KDM1A: variants seen among roughly 807,000 people sequenced by gnomAD.
The protein encoded by KDM1A is lysine-specific histone demethylase 1A.
Under a neutral mutation model 109.4 loss-of-function variants are expected in KDM1A, and 49 were observed. The ratio of observed to expected loss-of-function variants is 0.45; its 90% CI spans 0.36 to 0.57. The LOEUF is 0.57. Among genes scored for constraint, KDM1A ranks in the 20% least tolerant of loss-of-function variants. The pLI, the probability that KDM1A is intolerant of heterozygous loss-of-function variation, is 0.00. For synonymous variants in KDM1A, 380 were observed against 415.4 expected, an observed-to-expected ratio of 0.91 and a Z score of 1.04; for missense variants, 668 against 1,116.6, an observed-to-expected ratio of 0.60 and a Z score of 5.73.
chr1:23,040,153 A>T (rs183610406), intron 2 of KDM1A, among the ~76,000 whole-genome samples: 1,639 of 152,356 alleles, frequency 0.011, 9 homozygotes, highest in Non-Finnish European at 0.019. Flanking sequence ...GAAGTTTCTT[A>T]AAATGTTTGT....
At chr1:23,030,722 CT>C in intron 2 of KDM1A, 88 bp downstream of exon 2, 2 of 1,348,944 alleles carry the variant, frequency 1.5e-6, no homozygotes, top group Non-Finnish European at 2.0e-6. Context: ...TTATTTATGT[CT>C]TTATCTTTGG....
intron 9 of KDM1A, among the ~76,000 whole-genome samples, chr1:23,061,008 A>G (rs1642983941): frequency 6.6e-6 from 1 of 152,228 alleles, no homozygotes; most frequent in Non-Finnish European, 1.5e-5. Flanking sequence ...TTCTGAATGT[A>G]GAGCAGGTTG....
intron 10 of KDM1A, among the ~76,000 whole-genome samples, chr1:23,067,198 T>TA (rs1312589179): frequency 1.3e-5 from 2 of 152,260 alleles, no homozygotes. Context: ...ATTATAAAGA[T>TA]ACCCTGATCC....
At chr1:23,069,223 C>A in intron 12 of KDM1A, 72 bp downstream of exon 12, 2 of 945,584 alleles carry the variant, frequency 2.1e-6, no homozygotes, top group Non-Finnish European at 3.2e-6. Flanking sequence ...ATTTTAAAAG[C>A]ATTTCCGAGA....
rs1641537125 is a variant in KDM1A, at chr1:23,019,517, G to C, written c.-80G>C. Reference sequence around the variant, plus strand: ...TGGCGGCGCGCGGGCAGCGTGAAGCGAGGCGAGGCAAGGCTTTTCGGACCC... The same window carrying C: ...TGGCGGCGCGCGGGCAGCGTGAAGCCAGGCGAGGCAAGGCTTTTCGGACCC... On this transcript the variant is annotated 5_prime_UTR_variant, in exon 1 of 21. Coordinates refer to ENST00000400181, the MANE Select transcript of KDM1A (RefSeq NM_001009999.3). 19 of 1,312,288 alleles carry C rather than the reference G, an allele frequency of 1.4e-5. No homozygotes were observed. The South Asian group carries it at 4.0e-4, about 28-fold the overall frequency. The allele number at this position is 1,312,288 out of a possible 1,614,324, so 81.3% of individuals were successfully genotyped here.
chr1:23,069,655 C>T lies in KDM1A; in HGVS notation c.1413+504C>T, dbSNP rs149363971. 2.7e-3 allele frequency among the ~76,000 whole-genome samples: 408 copies of T among 152,306 alleles called. 4 individuals are homozygous for T. Among genetic ancestry groups the T allele is most frequent in the African/African-American group, 9.1e-3 (378 of 41,570 alleles). On this transcript the variant is annotated intron_variant, in intron 12 of 20. Transcript: ENST00000400181. Reference sequence around the variant, plus strand: ...GCCCTCAGCTGAATTCTAGGACTAGCAGGAGAATTAGCTGTACTGGAGCCA... The same window carrying T: ...GCCCTCAGCTGAATTCTAGGACTAGTAGGAGAATTAGCTGTACTGGAGCCA...
In KDM1A at chr1:23,069,172, C is replaced by T. The variant is rs1388940284; in HGVS notation, c.1413+21C>T. On this transcript the variant is annotated intron_variant, in intron 12 of 20. Coordinates refer to ENST00000400181, the MANE Select transcript of KDM1A (RefSeq NM_001009999.3). ...ATAAGGTGAAATTCTGTATTTTCTT[C>T]ATAGCTGAAGAAGCTTTAATAGGAG... 4.8e-6 allele frequency: 7 copies of T among 1,459,420 alleles called. No homozygotes were observed. In the African/African-American group the frequency reaches 5.6e-5, roughly 12 times the overall value. 90.4% of individuals were successfully genotyped at this position (1,459,420 alleles called of 1,614,324 possible).
At chr1:23,083,124 C>A in intron 20 of KDM1A, 55 bp from the exon 21 acceptor site, 1 of 1,495,168 alleles carries the variant, frequency 6.7e-7, no homozygotes, top group Non-Finnish European at 9.1e-7. Flanking sequence ...AATTTAAGTA[C>A]AAGAATAAAG....
chr1:23,072,747 G>T (rs764342687), intron 14 of KDM1A, among the ~76,000 whole-genome samples: 3 of 152,188 alleles, frequency 2.0e-5, no homozygotes, highest in Admixed American at 6.5e-5. Context: ...CTGGGTTCAA[G>T]CAATTCTCTT....
chr1:23,020,038 G>C, intron 1 of KDM1A, 91 bp downstream of exon 1: 2 of 1,320,526 alleles, frequency 1.5e-6, no homozygotes, highest in Non-Finnish European at 2.0e-6. Flanking sequence ...CGGGTCTTGG[G>C]CCCTGCGACC....
At chr1:23,032,281 T>C (rs1642006804) in intron 2 of KDM1A, among the ~76,000 whole-genome samples, 1 of 152,156 alleles carries the variant, frequency 6.6e-6, no homozygotes, top group Non-Finnish European at 1.5e-5. Context: ...TGATTTACCA[T>C]AGGTTCCAAG....
At position 23,079,781 on chromosome 1, in the gene KDM1A, A is replaced by G. The variant is rs112909328; in HGVS notation, c.2170+114A>G. On this transcript the variant is annotated intron_variant, in intron 18 of 20. Transcript: ENST00000400181. This position sits in a 1 kb window ranked among gnomAD's most constrained non-coding sequence, Gnocchi z 5.6. The stretch of plus-strand genomic sequence containing the variant: ...AATTTCTCTCTTTATTAACTCAACA[A>G]ACAATTCCTGAAATACCTTCTAGGT... 8.2e-6 allele frequency: 5 copies of G among 607,398 alleles called. No homozygotes were observed. The highest frequency in any genetic ancestry group is 1.9e-5 in the African/African-American group (1 of 52,726). 37.6% of individuals were successfully genotyped at this position (607,398 alleles called of 1,614,324 possible). A position where few individuals can be genotyped will look rare whatever the true frequency, so the allele number is the denominator to read the frequency against.
chr1:23,019,558 G>C lies in KDM1A; in HGVS notation c.-39G>C. The C allele has an allele frequency of 2.2e-6, 3 of 1,380,628 alleles. No individual in the cohort carries two copies. The highest frequency in any genetic ancestry group is 2.8e-5 in the East Asian group (1 of 35,636). The allele number at this position is 1,380,628 out of a possible 1,614,324, so 85.5% of individuals were successfully genotyped here. ...TTTCGGACCCACGGAGCGACAGAGC[G>C]AGCGGCCCCTACGGCCGTCGGCGGC... On this transcript the variant is annotated 5_prime_UTR_variant, in exon 1 of 21. Coordinates refer to ENST00000400181, the MANE Select transcript of KDM1A (RefSeq NM_001009999.3).
Position 23,057,514 on chromosome 1 carries a change from C to T in KDM1A, c.1021C>T (p.Arg341Cys), listed in dbSNP as rs1642866520. The T allele has an allele frequency of 1.9e-6, 3 of 1,613,752 alleles. No homozygotes were observed. Among genetic ancestry groups the T allele is most frequent in the Non-Finnish European group, 8.5e-7 (1 of 1,179,824 alleles). Reference sequence around the variant, plus strand: ...TGTGGGTGGACGAGTTGCCACATTTCGCAAAGGAAACTATGTAGCTGATCT... The same window carrying T: ...TGTGGGTGGACGAGTTGCCACATTTTGCAAAGGAAACTATGTAGCTGATCT... ...DRVGGRVATF[R>C]KGNYVADLGA... Residue 341 changes from arginine to cysteine, a missense_variant, in exon 8 of 21, where the codon CGC becomes TGC. By Grantham distance (180) the Arg-to-Cys change is radical. Coordinates refer to ENST00000400181, the MANE Select transcript of KDM1A (RefSeq NM_001009999.3).
intron 9 of KDM1A, among the ~76,000 whole-genome samples, chr1:23,063,201 G>GGGT (rs1472609059): frequency 2.4e-5 from 2 of 84,722 alleles, no homozygotes; most frequent in Admixed American, 1.2e-4. Flanking sequence ...AGCATTGGGG[G>GGGT]GGGGGTGTGG....
chr1:23,019,998 C>T lies in KDM1A; in HGVS notation c.351+51C>T, dbSNP rs1462863799. 1.3e-5 allele frequency: 19 copies of T among 1,413,896 alleles called. No homozygotes were observed. The East Asian group carries it at 4.2e-4, about 31-fold the overall frequency. The allele number at this position is 1,413,896 out of a possible 1,614,324, so 87.6% of individuals were successfully genotyped here. A position where few individuals can be genotyped will look rare whatever the true frequency, so the allele number is the denominator to read the frequency against. On this transcript the variant is annotated intron_variant, in intron 1 of 20. Transcript: ENST00000400181. Reference sequence around the variant, plus strand: ...GACACCGCCTGGTGCCGAGCTTCCCCGAGGCTTCTCCGCCCTCCCCCGCCG... The same window carrying T: ...GACACCGCCTGGTGCCGAGCTTCCCTGAGGCTTCTCCGCCCTCCCCCGCCG...
intron 9 of KDM1A, among the ~76,000 whole-genome samples, chr1:23,062,719 T>C (rs1477458319): frequency 6.6e-6 from 1 of 152,244 alleles, no homozygotes. Context: ...TGTGCTTGTT[T>C]TTGACAAGGG....
intron 9 of KDM1A, among the ~76,000 whole-genome samples, chr1:23,061,432 C>T (rs1642997908): frequency 6.6e-6 from 1 of 152,142 alleles, no homozygotes; most frequent in Non-Finnish European, 1.5e-5. Context: ...TGTCATTCAA[C>T]TCTGATCTGT....
At chr1:23,029,747 C>G (rs549003487) in intron 1 of KDM1A, among the ~76,000 whole-genome samples, 1 of 152,210 alleles carries the variant, frequency 6.6e-6, no homozygotes, top group East Asian at 1.9e-4. Flanking sequence ...TCAAGCGATT[C>G]TCCTGCCTCA....
Sources: gnomAD v4.1 joint callset for allele counts (sites outside exome capture counted in the v4.1 genomes callset) on GRCh38, gnomAD v4.1.1 for gene constraint, Gnocchi (gnomAD v3.1) non-coding constraint, MANE v1.5 for transcripts, NCBI Gene and HGNC (gene_info 2026-07-23, HGNC 2026-07-21) for gene names.